ADCY2: variants seen among roughly 807,000 people sequenced by gnomAD.
ADCY2 encodes adenylate cyclase 2.
In ADCY2, 31 loss-of-function variants were observed where a neutral mutation model predicts 125.2. The ratio of observed to expected loss-of-function variants is 0.25; its 90% CI spans 0.19 to 0.33. The LOEUF is 0.33. Ranked by LOEUF, ADCY2 falls within the 10% of genes least tolerant of loss-of-function variation. The pLI is 1.00. For missense variants in ADCY2, 904 were observed against 1,418.2 expected (o/e 0.64, Z 5.82); for synonymous variants, 512 against 548.4 (o/e 0.93, Z 0.93).
intron 7 of ADCY2, among the ~76,000 whole-genome samples, chr5:7,704,195 G>A (rs1391659611): frequency 6.6e-6 from 1 of 151,980 alleles, no homozygotes; most frequent in Non-Finnish European, 1.5e-5. Context: ...TTTTTAAGCT[G>A]GTGAGGGGAA....
At chr5:7,446,982 T>C (rs962213534) in intron 2 of ADCY2, among the ~76,000 whole-genome samples, 9 of 152,298 alleles carry the variant, frequency 5.9e-5, no homozygotes, top group African/African-American at 2.2e-4. Flanking sequence ...TGCCCTCTCA[T>C]GTTAAGTTCA....
intron 10 of ADCY2, among the ~76,000 whole-genome samples, chr5:7,712,061 AC>A (rs1249931664): frequency 6.6e-6 from 1 of 152,204 alleles, no homozygotes; most frequent in African/African-American, 2.4e-5. Context: ...ATAATACAGT[AC>A]TTTACTGTAT....
chr5:7,645,043 G>A (rs1258760243), intron 4 of ADCY2, among the ~76,000 whole-genome samples: 1 of 152,132 alleles, frequency 6.6e-6, no homozygotes, highest in African/African-American at 2.4e-5. Context: ...CTCTTTGGTT[G>A]TGAATCCTTA....
chr5:7,648,574 A>T (rs1431768132), intron 4 of ADCY2, among the ~76,000 whole-genome samples: 2 of 152,194 alleles, frequency 1.3e-5, no homozygotes, highest in Non-Finnish European at 2.9e-5. Context: ...TCTCCTAATG[A>T]TTTAAGAAAA....
At chr5:7,707,550 T>C (rs1741302734) in intron 8 of ADCY2, among the ~76,000 whole-genome samples, 156 bp from the exon 9 acceptor site, 1 of 152,246 alleles carries the variant, frequency 6.6e-6, no homozygotes, top group Non-Finnish European at 1.5e-5. Context: ...AGAGCATCTT[T>C]CCAAAGCAGT....
intron 3 of ADCY2, among the ~76,000 whole-genome samples, chr5:7,544,934 A>G (rs1735104599): frequency 6.6e-6 from 1 of 152,194 alleles, no homozygotes; most frequent in African/African-American, 2.4e-5. Context: ...TTTGATGGGT[A>G]TGCACTGGGG....
chr5:7,576,071 T>C (rs1736237150), intron 3 of ADCY2, among the ~76,000 whole-genome samples: 1 of 152,208 alleles, frequency 6.6e-6, no homozygotes, highest in Non-Finnish European at 1.5e-5. Context: ...ATGTTCTGGG[T>C]TGCAGACTTC....
rs550153596 is a variant in ADCY2 at position 7,546,163 on chromosome 5, T to A, written c.570+25264T>A. ...ACCCTAATAAGGTTATGTTTTCTTGTGCGGATTCCTATGGTCCTTTCTTTA... is the reference window on the plus strand; with the variant it reads ...ACCCTAATAAGGTTATGTTTTCTTGAGCGGATTCCTATGGTCCTTTCTTTA... On this transcript the variant is annotated intron_variant, in intron 3 of 24. Transcript: ENST00000338316. 2.0e-5 allele frequency among the ~76,000 whole-genome samples: 3 copies of A among 152,346 alleles called. No individual in the cohort carries two copies. In the East Asian group the frequency reaches 5.8e-4, roughly 29 times the overall value.
intron 7 of ADCY2, among the ~76,000 whole-genome samples, chr5:7,698,849 C>T (rs1399715933): frequency 2.0e-5 from 3 of 152,096 alleles, no homozygotes; most frequent in East Asian, 1.9e-4. Flanking sequence ...AATAAACATA[C>T]GTGTGCATGT....
intron 18 of ADCY2, among the ~76,000 whole-genome samples, chr5:7,781,136 C>T (rs889805914): frequency 6.6e-6 from 1 of 152,146 alleles, no homozygotes; most frequent in African/African-American, 2.4e-5. Flanking sequence ...GCCACCCTAA[C>T]ACATGAGATC....
chr5:7,454,663 G>A (rs1245149529), intron 2 of ADCY2, among the ~76,000 whole-genome samples: 7 of 152,148 alleles, frequency 4.6e-5, no homozygotes, highest in African/African-American at 1.7e-4. Flanking sequence ...AACATGCAAT[G>A]AAGGAAACAA....
chr5:7,571,555 TA>T (rs914133393), intron 3 of ADCY2, among the ~76,000 whole-genome samples: 1 of 152,164 alleles, frequency 6.6e-6, no homozygotes, highest in African/African-American at 2.4e-5. Flanking sequence ...CACCCAGAAT[TA>T]AAATTTTGTA....
intron 1 of ADCY2, among the ~76,000 whole-genome samples, chr5:7,400,674 TC>T (rs1166608534): frequency 2.0e-5 from 3 of 152,226 alleles, no homozygotes; most frequent in African/African-American, 7.2e-5. Flanking sequence ...TTCTCTAGTT[TC>T]CCTTGTGGAA....
intron 3 of ADCY2, among the ~76,000 whole-genome samples, chr5:7,569,453 G>T (rs948948047): frequency 5.9e-5 from 9 of 151,898 alleles, no homozygotes; most frequent in Non-Finnish European, 1.2e-4. Context: ...ATAATTAATT[G>T]CTTTAAACAA....
intron 18 of ADCY2, among the ~76,000 whole-genome samples, chr5:7,778,520 T>TAGCCTCATCCAGAAGCTC (rs1279039055): frequency 6.6e-6 from 1 of 152,232 alleles, no homozygotes; most frequent in East Asian, 1.9e-4. Context: ...AAACAGTGCT[T>TAGCCTCATCCAGAAGCTC]AGCCTCATCC....
At chr5:7,516,156 G>A (rs75689187) in intron 2 of ADCY2, among the ~76,000 whole-genome samples, 13,248 of 152,196 alleles carry the variant, frequency 0.087, 675 homozygotes, top group South Asian at 0.12. Context: ...AGCATCAGTG[G>A]GGAAATACTA....
At chr5:7,785,308 C>T (rs1307921897) in intron 19 of ADCY2, among the ~76,000 whole-genome samples, 2 of 152,256 alleles carry the variant, frequency 1.3e-5, no homozygotes, top group East Asian at 3.9e-4. Context: ...ACAGTTGGAC[C>T]AAGTCTGGAT....
chr5:7,637,961 A>T (rs1305206841), intron 4 of ADCY2, among the ~76,000 whole-genome samples: 1 of 152,232 alleles, frequency 6.6e-6, no homozygotes, highest in Non-Finnish European at 1.5e-5. Flanking sequence ...GGTAAACATC[A>T]ATCAGCAGCC....
chr5:7,779,583 C>T (rs554327163), intron 18 of ADCY2, among the ~76,000 whole-genome samples: 2 of 152,114 alleles, frequency 1.3e-5, no homozygotes, highest in East Asian at 1.9e-4. Flanking sequence ...AACCCCCCCC[C>T]CAACACACAC....
Sources: gnomAD v4.1 joint callset for allele counts (sites outside exome capture counted in the v4.1 genomes callset) on GRCh38, gnomAD v4.1.1 for gene constraint, MANE v1.5 for transcripts, NCBI Gene and HGNC (gene_info 2026-07-23, HGNC 2026-07-21) for gene names.